ATP2B4: variants seen among roughly 807,000 people sequenced by gnomAD.
ATP2B4 encodes the protein plasma membrane calcium-transporting ATPase 4.
In ATP2B4, 39 loss-of-function variants were observed where a neutral mutation model predicts 110.3. The observed-to-expected ratio is 0.35, with a 90% CI of 0.27 to 0.46. ATP2B4 has a LOEUF of 0.46. Among genes scored for constraint, ATP2B4 ranks in the 20% least tolerant of loss-of-function variants. The pLI is 1.00. For missense variants in ATP2B4, 1,135 were observed against 1,530.9 expected (o/e 0.74, Z 4.32); for synonymous variants, 538 against 571.7 (o/e 0.94, Z 0.84).
chr1:203,704,641 C>T (rs1665797923), intron 8 of ATP2B4, among the ~76,000 whole-genome samples: 1 of 151,822 alleles, frequency 6.6e-6, no homozygotes, highest in East Asian at 1.9e-4. Context: ...CCACCAAGCC[C>T]ATCTAATTCT....
chr1:203,676,585 C>A (rs1209048205), intron 1 of ATP2B4, among the ~76,000 whole-genome samples: 1 of 152,124 alleles, frequency 6.6e-6, no homozygotes, highest in Non-Finnish European at 1.5e-5. Context: ...AGAGCTTAAA[C>A]CCCCCAAGGT....
intron 1 of ATP2B4, among the ~76,000 whole-genome samples, chr1:203,681,003 G>A (rs1664995318): frequency 6.6e-6 from 1 of 152,202 alleles, no homozygotes. Context: ...TCCAGGCTTG[G>A]AGGAGAAGCT....
chr1:203,689,750 A>G (rs1364831914), intron 2 of ATP2B4, among the ~76,000 whole-genome samples: 1 of 152,258 alleles, frequency 6.6e-6, no homozygotes, highest in Admixed American at 6.5e-5. Flanking sequence ...CTTACAGGCT[A>G]AAAGAAGATG....
At chr1:203,635,357 C>G (rs1663407186) in intron 1 of ATP2B4, among the ~76,000 whole-genome samples, 1 of 152,196 alleles carries the variant, frequency 6.6e-6, no homozygotes, top group Admixed American at 6.5e-5. Context: ...CAGCCTCAAA[C>G]TCCCAGGTTC....
At chr1:203,637,154 G>T (rs1285845238) in intron 1 of ATP2B4, among the ~76,000 whole-genome samples, 1 of 152,206 alleles carries the variant, frequency 6.6e-6, no homozygotes. Flanking sequence ...ATATACGGCT[G>T]GGTGCGGTGG....
chr1:203,645,380 C>A (rs1558013174), intron 1 of ATP2B4, among the ~76,000 whole-genome samples: 1 of 152,184 alleles, frequency 6.6e-6, no homozygotes, highest in African/African-American at 2.4e-5. Flanking sequence ...ACTCTCCCTA[C>A]TTTCTGAGTT....
chr1:203,677,712 C>T (rs904676011), intron 1 of ATP2B4, among the ~76,000 whole-genome samples: 3 of 152,208 alleles, frequency 2.0e-5, no homozygotes, highest in African/African-American at 7.2e-5. Flanking sequence ...GATCCGCCCA[C>T]CTCGGCCTCC....
At chr1:203,662,899 T>G (rs1466439503) in intron 1 of ATP2B4, among the ~76,000 whole-genome samples, 2 of 152,212 alleles carry the variant, frequency 1.3e-5, no homozygotes, top group Non-Finnish European at 2.9e-5. Context: ...TCCAGAGGTC[T>G]CTTTTCTCGA....
In ATP2B4 at chr1:203,643,588, G is replaced by A. The variant is rs79455985; in HGVS notation, c.-465+16369G>A. Among the ~76,000 whole-genome samples, 694 of 152,320 alleles carry A rather than the reference G, an allele frequency of 4.6e-3. 9 individuals are homozygous for A. Among genetic ancestry groups the A allele is most frequent in the African/African-American group, 0.016 (660 of 41,578 alleles). On this transcript the variant is annotated intron_variant, in intron 1 of 20. Coordinates refer to ENST00000357681, the MANE Select transcript of ATP2B4 (RefSeq NM_001684.5). The stretch of plus-strand genomic sequence containing the variant: ...GAACTTGCCTTTCCTGGCTGGAAGG[G>A]GCTTGGCATTAAGTGCAGTTCTTGC...
intron 20 of ATP2B4, among the ~76,000 whole-genome samples, chr1:203,735,620 G>C (rs918607665): frequency 4.6e-5 from 7 of 152,114 alleles, no homozygotes; most frequent in Admixed American, 3.3e-4. Context: ...AAAGTGTTCT[G>C]ATGTGAGGAA....
At chr1:203,657,308 C>T in intron 1 of ATP2B4, 1 of 740,326 alleles carries the variant, frequency 1.4e-6, no homozygotes, top group Non-Finnish European at 2.5e-6. Flanking sequence ...CCACCCTCTT[C>T]CATGCCTTCT....
chr1:203,723,856 T>G lies in ATP2B4; in HGVS notation c.3025-25T>G, dbSNP rs760507506. The G allele has an allele frequency of 1.1e-4, 167 of 1,561,404 alleles. 2 individuals are homozygous for G. In the Middle Eastern group the frequency reaches 1.7e-3, roughly 16 times the overall value. ...TGCCTGTTAGTCATTTCCTTGATGG[T>G]GGGCTGCCCCTTTCTCTGTTCTAGA... On this transcript the variant is annotated intron_variant, in intron 18 of 20. Coordinates refer to ENST00000357681, the MANE Select transcript of ATP2B4 (RefSeq NM_001684.5).
At position 203,629,468 on chromosome 1, in the gene ATP2B4, G is replaced by C. The variant is rs1225872612; in HGVS notation, c.-465+2249G>C. On this transcript the variant is annotated intron_variant, in intron 1 of 20. Coordinates refer to ENST00000357681, the MANE Select transcript of ATP2B4 (RefSeq NM_001684.5). The surrounding 1 kb of genome is among the most constrained non-coding windows in gnomAD (Gnocchi z 4.6). ...GTCGATGTTGGTGGGCTCGGGGACG[G>C]CTTCTCCGTGAGGTCGTTATTTAGC... 1.3e-5 allele frequency among the ~76,000 whole-genome samples: 2 copies of C among 152,208 alleles called. No individual in the cohort carries two copies. The highest frequency in any genetic ancestry group is 2.4e-5 in the African/African-American group (1 of 41,458).
Position 203,700,273 on chromosome 1 carries a change from G to A in ATP2B4, c.717G>A (p.Leu239=), listed in dbSNP as rs1166709915. 1.2e-6 allele frequency: 2 copies of A among 1,614,064 alleles called. No homozygotes were observed. The highest frequency in any genetic ancestry group is 8.5e-7 in the Non-Finnish European group (1 of 1,179,946). The change falls in exon 5 of 21, where the codon CTG becomes CTA. Residue 239 remains leucine, a synonymous_variant. Coordinates refer to ENST00000357681, the MANE Select transcript of ATP2B4 (RefSeq NM_001684.5). ...GNDLKIDESS[L]TGESDHVKKS... ...ATCTGAAGATTGATGAGAGCTCTCT[G>A]ACAGGGGAATCTGACCATGTCAAGA...
intron 2 of ATP2B4, among the ~76,000 whole-genome samples, chr1:203,687,514 A>C (rs1665233590): frequency 6.6e-6 from 1 of 152,230 alleles, no homozygotes; most frequent in Non-Finnish European, 1.5e-5. Flanking sequence ...CAATAATAAG[A>C]ATAAAGAAAT....
intron 2 of ATP2B4, among the ~76,000 whole-genome samples, chr1:203,687,317 G>C (rs1571723249): frequency 6.6e-6 from 1 of 152,188 alleles, no homozygotes; most frequent in African/African-American, 2.4e-5. Context: ...GAAAAGAAAA[G>C]AAGATATAGA....
chr1:203,720,860 C>A (rs145405001), intron 16 of ATP2B4, 120 bp downstream of exon 16: 4 of 1,186,674 alleles, frequency 3.4e-6, no homozygotes, highest in Non-Finnish European at 4.7e-6. Context: ...GACATTGGGA[C>A]AGGAGTTAGC....
Position 203,668,884 on chromosome 1 carries a change from AT to A in ATP2B4, c.-464-13856del, listed in dbSNP as rs376238171. On this transcript the variant is annotated intron_variant, in intron 1 of 20. Coordinates refer to ENST00000357681, the MANE Select transcript of ATP2B4 (RefSeq NM_001684.5). Reference sequence around the variant, plus strand: ...TTGAGAGATTGAAATAGACAGATAGATTGGGGAGAAGGAGGTAGGGGAAGGG... The same window carrying A: ...TTGAGAGATTGAAATAGACAGATAGATGGGGAGAAGGAGGTAGGGGAAGGG... 2.6e-3 allele frequency among the ~76,000 whole-genome samples: 403 copies of A among 152,262 alleles called. 1 individual carries two copies. The highest frequency in any genetic ancestry group is 5.4e-3 in the Admixed American group (83 of 15,290).
At chr1:203,728,407 T>C (rs1666586403) in intron 20 of ATP2B4, 1 of 264,858 alleles carries the variant, frequency 3.8e-6, no homozygotes, top group Admixed American at 5.2e-5. Flanking sequence ...CATAGCTTTA[T>C]TGTTTTAATC....
Sources: gnomAD v4.1 joint callset for allele counts (sites outside exome capture counted in the v4.1 genomes callset) on GRCh38, gnomAD v4.1.1 for gene constraint, Gnocchi (gnomAD v3.1) non-coding constraint, MANE v1.5 for transcripts, NCBI Gene and HGNC (gene_info 2026-07-23, HGNC 2026-07-21) for gene names.